PHACTR1: variants seen among roughly 807,000 people sequenced by gnomAD.
The protein encoded by PHACTR1 is phosphatase and actin regulator 1.
In PHACTR1, 16 loss-of-function variants were observed where a neutral mutation model predicts 69.2. The observed-to-expected ratio is 0.23, with a 90% confidence interval of 0.16 to 0.35. The LOEUF is 0.35. Ranked by LOEUF, PHACTR1 falls within the 10% of genes least tolerant of loss-of-function variation. The pLI is 1.00. For synonymous variants in PHACTR1, 312 were observed against 284.5 expected (o/e 1.10, Z -0.97); for missense variants, 510 against 734.7 (o/e 0.69, Z 3.54).
At chr6:13,247,498 A>G (rs1174223656) in intron 10 of PHACTR1, among the ~76,000 whole-genome samples, 2 of 152,056 alleles carry the variant, frequency 1.3e-5, no homozygotes, top group Admixed American at 1.3e-4. Context: ...GGCGCCAGCC[A>G]CCATGCCTGG....
chr6:12,930,679 G>T (rs1466250734), intron 4 of PHACTR1, among the ~76,000 whole-genome samples: 1 of 152,166 alleles, frequency 6.6e-6, no homozygotes, highest in Non-Finnish European at 1.5e-5. Context: ...AGGAGAAAGG[G>T]TGTATGGGTA....
At chr6:13,153,957 T>C (rs1757815830) in intron 5 of PHACTR1, among the ~76,000 whole-genome samples, 1 of 152,226 alleles carries the variant, frequency 6.6e-6, no homozygotes, top group African/African-American at 2.4e-5. Context: ...GCTTTTGCTA[T>C]TACAGGCATT....
chr6:12,830,598 AT>A (rs1055989852), intron 4 of PHACTR1, among the ~76,000 whole-genome samples: 6 of 133,922 alleles, frequency 4.5e-5, no homozygotes, highest in African/African-American at 1.2e-4. Flanking sequence ...AAAAAAAAAA[AT>A]TTTTTTTGAG....
chr6:12,858,360 G>C (rs975686336), intron 4 of PHACTR1, among the ~76,000 whole-genome samples: 2 of 152,206 alleles, frequency 1.3e-5, no homozygotes. Flanking sequence ...TGTTAATTTA[G>C]AGGTAAATAT....
intron 4 of PHACTR1, among the ~76,000 whole-genome samples, chr6:12,785,914 G>T (rs778018424): frequency 2.0e-5 from 3 of 151,988 alleles, no homozygotes; most frequent in Non-Finnish European, 2.9e-5. Flanking sequence ...GATTTATTCT[G>T]ACTTTCCTCA....
chr6:13,270,396 C>G (rs1045220565), intron 10 of PHACTR1, among the ~76,000 whole-genome samples: 1 of 152,184 alleles, frequency 6.6e-6, no homozygotes, highest in African/African-American at 2.4e-5. Flanking sequence ...CAGCCCCCCA[C>G]CCTCCTGCTT....
intron 4 of PHACTR1, among the ~76,000 whole-genome samples, chr6:12,835,179 G>A (rs903804898): frequency 6.6e-6 from 1 of 152,086 alleles, no homozygotes; most frequent in Non-Finnish European, 1.5e-5. Context: ...GGACAAACCT[G>A]GAGTAAGAGG....
chr6:13,017,185 CAAAAA>C (rs5874397), intron 4 of PHACTR1, among the ~76,000 whole-genome samples: 2 of 77,218 alleles, frequency 2.6e-5, no homozygotes, highest in Non-Finnish European at 4.5e-5. Context: ...GACTCTGTCT[CAAAAA>C]AAAAAAAAAA....
At chr6:12,750,981 T>A (rs1390796703) in intron 4 of PHACTR1, among the ~76,000 whole-genome samples, 3 of 151,394 alleles carry the variant, frequency 2.0e-5, no homozygotes, top group Admixed American at 1.3e-4. Flanking sequence ...ACAAAATGTG[T>A]GTGTGTGTGT....
intron 4 of PHACTR1, among the ~76,000 whole-genome samples, chr6:12,841,041 G>C (rs1045133735): frequency 6.6e-6 from 1 of 152,180 alleles, no homozygotes; most frequent in African/African-American, 2.4e-5. Context: ...GGGGTCTCCT[G>C]GCTGCATTAA....
intron 5 of PHACTR1, among the ~76,000 whole-genome samples, chr6:13,082,165 C>T (rs1037007389): frequency 6.6e-6 from 1 of 152,128 alleles, no homozygotes; most frequent in South Asian, 2.1e-4. Context: ...TTCCACTCAT[C>T]GCGATGCCTT....
intron 4 of PHACTR1, among the ~76,000 whole-genome samples, chr6:12,797,272 G>T (rs184257894): frequency 6.0e-4 from 92 of 152,246 alleles, no homozygotes; most frequent in African/African-American, 2.1e-3. Context: ...CCAGGGAAAA[G>T]ATTCTATAAC....
chr6:12,934,285 A>G (rs1014885919), intron 4 of PHACTR1, among the ~76,000 whole-genome samples: 1 of 152,188 alleles, frequency 6.6e-6, no homozygotes, highest in Non-Finnish European at 1.5e-5. Flanking sequence ...CAGTCAAATT[A>G]TATTAGGACC....
intron 4 of PHACTR1, among the ~76,000 whole-genome samples, chr6:13,011,223 C>A (rs115896812): frequency 0.012 from 1,776 of 152,302 alleles, 20 homozygotes; most frequent in South Asian, 0.024. Context: ...ATGCAGTGGC[C>A]ACTAGCCACA....
intron 10 of PHACTR1, among the ~76,000 whole-genome samples, chr6:13,236,873 A>G (rs1222191368): frequency 1.3e-5 from 2 of 152,134 alleles, no homozygotes; most frequent in Non-Finnish European, 2.9e-5. Context: ...GCATGTGGGA[A>G]GAGACAGATA....
rs73725618 is a variant in PHACTR1, at chr6:13,173,066, C to T, written c.497-9453C>T. 2.0e-3 allele frequency among the ~76,000 whole-genome samples: 301 copies of T among 152,326 alleles called. 2 individuals are homozygous for T. The highest frequency in any genetic ancestry group is 6.5e-3 in the African/African-American group (269 of 41,576). On this transcript the variant is annotated intron_variant, in intron 6 of 14. Transcript: ENST00000332995. ...AATATAGGTTCCCTGGTCCTACAGT[C>T]CCCTGTAGTGTCTGCCTCAAATCCT...
At chr6:12,866,014 G>A (rs1781417288) in intron 4 of PHACTR1, among the ~76,000 whole-genome samples, 1 of 152,080 alleles carries the variant, frequency 6.6e-6, no homozygotes, top group African/African-American at 2.4e-5. Context: ...GAGCCTCAGA[G>A]TCATCCCCTT....
At chr6:13,088,027 T>C (rs1488197373) in intron 5 of PHACTR1, among the ~76,000 whole-genome samples, 2 of 152,034 alleles carry the variant, frequency 1.3e-5, no homozygotes, top group African/African-American at 2.4e-5. Flanking sequence ...AACCTTCTCT[T>C]TGATGACAGG....
intron 4 of PHACTR1, among the ~76,000 whole-genome samples, chr6:12,780,692 A>G (rs1375655222): frequency 6.6e-6 from 1 of 152,174 alleles, no homozygotes; most frequent in Non-Finnish European, 1.5e-5. Context: ...CCTGCCCTGT[A>G]TTTGAGGGCA....
Sources: allele counts gnomAD v4.1 joint callset (sites outside exome capture counted in the v4.1 genomes callset), GRCh38; gene constraint gnomAD v4.1.1; transcripts MANE v1.5; gene names NCBI Gene and HGNC (gene_info 2026-07-23, HGNC 2026-07-21).